Variants in CSMD3 observed in about 807,000 individuals in gnomAD.
CSMD3 encodes CUB and sushi domain-containing protein 3.
In CSMD3, 177 loss-of-function variants were observed where a neutral mutation model predicts 435.2. The observed-to-expected ratio is 0.41, with a 90% CI of 0.36 to 0.46. The LOEUF is 0.46. Among genes scored for constraint, CSMD3 ranks in the 20% least tolerant of loss-of-function variants. The pLI is 0.34. For missense variants in CSMD3, 4,265 were observed against 4,504.6 expected, an observed-to-expected ratio of 0.95 and a Z score of 1.52; for synonymous variants, 1,656 against 1,520.5, an observed-to-expected ratio of 1.09 and a Z score of -2.07.
Position 112,552,089 on chromosome 8 carries a change from A to G in CSMD3, c.4361+505T>C, listed in dbSNP as rs184800782. On this transcript the variant is annotated intron_variant, in intron 26 of 70. Coordinates refer to ENST00000297405, the MANE Select transcript of CSMD3 (RefSeq NM_198123.2). Reference sequence around the variant, plus strand: ...TGGGCAGAGAGCAAGTGTTTCACAAATGTGTTTAGGGACAAGGACAACAGG... The same window carrying G: ...TGGGCAGAGAGCAAGTGTTTCACAAGTGTGTTTAGGGACAAGGACAACAGG... Among the ~76,000 whole-genome samples, 4 of 151,980 alleles carry G rather than the reference A, an allele frequency of 2.6e-5. No homozygotes were observed. In the Admixed American group the frequency reaches 2.6e-4, roughly 10 times the overall value.
chr8:113,306,245 C>A (rs1343129752), intron 2 of CSMD3, among the ~76,000 whole-genome samples: 2 of 152,114 alleles, frequency 1.3e-5, no homozygotes, highest in East Asian at 3.8e-4. Flanking sequence ...ACAGTAGAGC[C>A]TCTGCGTTTC....
intron 59 of CSMD3, among the ~76,000 whole-genome samples, chr8:112,280,835 T>G (rs1818559181): frequency 6.6e-6 from 1 of 152,152 alleles, no homozygotes; most frequent in Non-Finnish European, 1.5e-5. Context: ...ATGTGTTATA[T>G]TGACAAAATA....
chr8:112,966,763 C>T (rs1396531543), intron 7 of CSMD3, among the ~76,000 whole-genome samples: 1 of 151,740 alleles, frequency 6.6e-6, no homozygotes, highest in African/African-American at 2.4e-5. Context: ...TTAAAGGTTG[C>T]CAAAACTAAT....
chr8:112,648,189 G>A (rs764023039), intron 19 of CSMD3, among the ~76,000 whole-genome samples: 1 of 152,110 alleles, frequency 6.6e-6, no homozygotes, highest in African/African-American at 2.4e-5. Context: ...ACTAGTTACC[G>A]CTGGGGCAAA....
intron 38 of CSMD3, among the ~76,000 whole-genome samples, chr8:112,356,305 C>A (rs1826591485): frequency 6.6e-6 from 1 of 151,986 alleles, no homozygotes; most frequent in South Asian, 2.1e-4. Flanking sequence ...TAATATGCAG[C>A]CATTAAATAA....
intron 17 of CSMD3, among the ~76,000 whole-genome samples, chr8:112,658,884 G>A (rs2075314926): frequency 6.6e-6 from 1 of 152,256 alleles, no homozygotes; most frequent in African/African-American, 2.4e-5. Flanking sequence ...GAACCTGGGA[G>A]GCGGAGGTTG....
chr8:112,381,040 C>A (rs909068171), intron 37 of CSMD3, among the ~76,000 whole-genome samples: 6 of 151,976 alleles, frequency 3.9e-5, no homozygotes, highest in Admixed American at 1.3e-4. Context: ...ACACAGTTTG[C>A]AAACTAAAAA....
chr8:113,397,275 A>C (rs911926242), intron 1 of CSMD3, among the ~76,000 whole-genome samples: 1 of 152,076 alleles, frequency 6.6e-6, no homozygotes, highest in Non-Finnish European at 1.5e-5. Context: ...AAATGGAGCA[A>C]CTTTTCATGT....
At chr8:112,732,316 G>A (rs75676962) in intron 13 of CSMD3, among the ~76,000 whole-genome samples, 3,868 of 152,152 alleles carry the variant, frequency 0.025, 79 homozygotes, top group East Asian at 0.074. Context: ...AACTAAGATG[G>A]GAAGGGAGTG....
intron 10 of CSMD3, among the ~76,000 whole-genome samples, chr8:112,910,958 A>G (rs909146015): frequency 1.3e-5 from 2 of 151,906 alleles, no homozygotes; most frequent in African/African-American, 4.8e-5. Context: ...TTTATAAAAT[A>G]TCTCCTTGCT....
chr8:113,226,108 ATCAATCAAACC>A (rs1481735586), intron 3 of CSMD3, among the ~76,000 whole-genome samples: 1 of 151,436 alleles, frequency 6.6e-6, no homozygotes, highest in Non-Finnish European at 1.5e-5. Flanking sequence ...GAATCTGTGA[ATCAATCAAACC>A]TCTTTTCTTT....
At chr8:112,319,062 T>C in intron 46 of CSMD3, 112 bp from the exon 47 acceptor site, 1 of 727,256 alleles carries the variant, frequency 1.4e-6, no homozygotes, top group Admixed American at 2.0e-5. Context: ...TCAATCAGTA[T>C]AAAAATGTTA....
chr8:113,325,472 T>C (rs1372662276), intron 1 of CSMD3, among the ~76,000 whole-genome samples: 2 of 152,180 alleles, frequency 1.3e-5, no homozygotes, highest in Non-Finnish European at 2.9e-5. Context: ...TTTCTCCTCC[T>C]TGCCTTCCAC....
At chr8:112,798,333 G>C (rs975727588) in intron 13 of CSMD3, among the ~76,000 whole-genome samples, 1 of 151,736 alleles carries the variant, frequency 6.6e-6, no homozygotes, top group Non-Finnish European at 1.5e-5. Context: ...ATGATGTATG[G>C]AGATTTTTTA....
chr8:112,612,068 A>G (rs1833298329), intron 22 of CSMD3, among the ~76,000 whole-genome samples: 1 of 152,168 alleles, frequency 6.6e-6, no homozygotes, highest in Non-Finnish European at 1.5e-5. Flanking sequence ...TGAAATAACC[A>G]ATTTTACCTA....
At chr8:112,966,176 T>C (rs562805061) in intron 7 of CSMD3, among the ~76,000 whole-genome samples, 19 of 151,602 alleles carry the variant, frequency 1.3e-4, no homozygotes, top group Admixed American at 8.6e-4. Flanking sequence ...ACATCCAAAA[T>C]AAATAAATAA....
At chr8:112,879,692 T>C (rs2081394104) in intron 10 of CSMD3, among the ~76,000 whole-genome samples, 1 of 152,112 alleles carries the variant, frequency 6.6e-6, no homozygotes. Flanking sequence ...TTCTCTTTAT[T>C]TCTCAGACCA....
Position 112,314,418 on chromosome 8 carries a change from C to T in CSMD3, c.7549+11G>A, listed in dbSNP as rs1230881921. The T allele has an allele frequency of 2.6e-6, 4 of 1,562,844 alleles. No individual in the cohort carries two copies. In the Admixed American group the frequency reaches 6.7e-5, roughly 26 times the overall value. On this transcript the variant is annotated intron_variant, in intron 48 of 70. Coordinates refer to ENST00000297405, the MANE Select transcript of CSMD3 (RefSeq NM_198123.2). ...ATTGATGAATATCCAATAAATATAACCCTTGGTTACCATCATACACCTGAA... is the reference window on the plus strand; with the variant it reads ...ATTGATGAATATCCAATAAATATAATCCTTGGTTACCATCATACACCTGAA...
At chr8:112,400,768 C>T (rs545827816) in intron 35 of CSMD3, among the ~76,000 whole-genome samples, 1 of 152,144 alleles carries the variant, frequency 6.6e-6, no homozygotes, top group Non-Finnish European at 1.5e-5. Flanking sequence ...CATCACCTTA[C>T]TCTTTTTATA....
Sources: gnomAD v4.1 joint callset for allele counts (sites outside exome capture counted in the v4.1 genomes callset) on GRCh38, gnomAD v4.1.1 for gene constraint, MANE v1.5 for transcripts, NCBI Gene and HGNC (gene_info 2026-07-23, HGNC 2026-07-21) for gene names.